The following FKRP variants were observed in gnomAD, a reference collection of about 807,000 sequenced individuals.
The protein encoded by FKRP is ribitol 5-phosphate transferase FKRP.
A neutral mutation model predicts 30.6 loss-of-function variants in FKRP; 25 were observed. The observed-to-expected ratio is 0.82, with a 90% confidence interval of 0.60 to 1.14. The LOEUF is 1.14. Ranked by LOEUF, FKRP falls within the 50% of genes most tolerant of loss-of-function variation. The probability of loss-of-function intolerance (pLI) is 0.00; values close to 1 mark genes in which losing one functional copy is unlikely to be tolerated. For missense variants in FKRP, 771 were observed against 727.8 expected (o/e 1.06, Z -0.68); for synonymous variants, 358 against 342.5 (o/e 1.05, Z -0.50).
chr19:46,746,118 TG>T, intron 1 of FKRP, 28 bp downstream of exon 1: 4 of 1,373,064 alleles, frequency 2.9e-6, no homozygotes, highest in Non-Finnish European at 1.9e-6. Context: ...CGGGCCGGGT[TG>T]GGGGTCGGGG....
chr19:46,747,924 G>C (rs2054696742), intron 1 of FKRP, 103 bp from the exon 2 acceptor site: 1 of 152,178 alleles, frequency 6.6e-6, no homozygotes, highest in African/African-American at 2.4e-5. Context: ...TCAAGAGAAA[G>C]GATTCCCTGA....
chr19:46,745,166 T>A (rs749393351), upstream of FKRP, among the ~76,000 whole-genome samples: 87 of 151,068 alleles, frequency 5.8e-4, 2 homozygotes, highest in Admixed American at 2.1e-3. Flanking sequence ...GACCCTCACC[T>A]CCATACTGGA....
At chr19:46,755,354 C>T (rs1341328347) in intron 3 of FKRP, 58 bp from the exon 4 acceptor site, 13 of 1,107,014 alleles carry the variant, frequency 1.2e-5, no homozygotes, top group Non-Finnish European at 1.6e-5. Context: ...CTGAGGGTGG[C>T]AGAAGGGGGT....
chr19:46,756,000 G>C lies in FKRP; in HGVS notation c.550G>C (p.Ala184Pro). 7 of 1,548,006 alleles carry C rather than the reference G, an allele frequency of 4.5e-6. No individual in the cohort carries two copies. The highest frequency in any genetic ancestry group is 6.1e-6 in the Non-Finnish European group (7 of 1,154,752). Residue 184 changes from alanine to proline, a missense_variant, in exon 4 of 4, where the codon GCA becomes CCA. Ala to Pro is a conservative substitution (Grantham distance 27). Coordinates refer to ENST00000318584, the MANE Select transcript of FKRP (RefSeq NM_024301.5). ...SLREWTARYG[A>P]APAAPRCDAL... is the part of the protein sequence containing the mutation. ...GCGAGAGTGGACCGCCCGCTATGGC[G>C]CAGCCCCCGCCGCGCCCCGCTGCGA... is the stretch of plus-strand genomic sequence containing the variant.
intron 3 of FKRP, among the ~76,000 whole-genome samples, chr19:46,751,036 G>A (rs2054781780): frequency 6.6e-6 from 1 of 151,460 alleles, no homozygotes; most frequent in Non-Finnish European, 1.5e-5. Flanking sequence ...GCAGGAATGG[G>A]GGATAGGAAG....
intron 1 of FKRP, chr19:46,747,006 C>G (rs1040687372): frequency 1.3e-5 from 2 of 152,228 alleles, no homozygotes; most frequent in African/African-American, 4.8e-5. Context: ...ACCTAAGTGT[C>G]CGTGGTGGTC....
Position 46,756,760 on chromosome 19 carries a change from AGGATGTGGAGTTT to A in FKRP, c.1311_1323del (p.Gln437HisfsTer49). ...AAGGACACGTGGCTGGACCACCGGC[AGGATGTGGAGTTT>A]CCCGAGCACTTCCTGCAGCCGCTGG... On this transcript the variant is annotated frameshift_variant, in exon 4 of 4. Coordinates refer to ENST00000318584, the MANE Select transcript of FKRP (RefSeq NM_024301.5). LOFTEE classifies it high-confidence loss of function. This position sits in a 1 kb window ranked among gnomAD's most constrained non-coding sequence, Gnocchi z 6.6. The A allele has an allele frequency of 1.9e-6, 3 of 1,605,808 alleles. No homozygotes were observed. Among genetic ancestry groups the A allele is most frequent in the Non-Finnish European group, 2.5e-6 (3 of 1,176,628 alleles).
At chr19:46,747,998 T>G (rs1286583449) in intron 1 of FKRP, 29 bp from the exon 2 acceptor site, 1 of 152,158 alleles carries the variant, frequency 6.6e-6, no homozygotes, top group Non-Finnish European at 1.5e-5. Context: ...AATGGCTGAT[T>G]TGGGATTTTC....
Position 46,756,026 on chromosome 19 carries a change from C to T in FKRP, c.576C>T (p.Asp192=), listed in dbSNP as rs1366277135. 1.3e-6 allele frequency: 2 copies of T among 1,577,732 alleles called. No individual in the cohort carries two copies. The highest frequency in any genetic ancestry group is 1.4e-5 in the African/African-American group (1 of 73,710). The change falls in exon 4 of 4, where the codon GAC becomes GAT. Residue 192 remains aspartate (D), a synonymous_variant. Transcript: ENST00000318584. This position sits in a 1 kb window ranked among gnomAD's most constrained non-coding sequence, Gnocchi z 6.6. Reference sequence around the variant, plus strand: ...CAGCCCCCGCCGCGCCCCGCTGCGACGCCCTGGACGGAGATGCTGTGGTGC... The same window carrying T: ...CAGCCCCCGCCGCGCCCCGCTGCGATGCCCTGGACGGAGATGCTGTGGTGC... ...YGAAPAAPRC[D]ALDGDAVVLL...
Position 46,756,906 on chromosome 19 carries a change from C to T in FKRP, c.1456C>T (p.Pro486Ser). ...CATCGAGAACCCCCAGTACCCCAAC[C>T]CGGCACTGCTGAGTCTGACGGGAAG... ...GVIENPQYPN[P>S]ALLSLTGSG Residue 486 changes from proline to serine, a missense_variant, in exon 4 of 4, where the codon CCG (proline) becomes TCG (serine). Physicochemically the swap from Pro to Ser is moderately conservative, Grantham distance 74. Coordinates refer to ENST00000318584, the MANE Select transcript of FKRP (RefSeq NM_024301.5). The surrounding 1 kb of genome is among the most constrained non-coding windows in gnomAD (Gnocchi z 6.6). The T allele has an allele frequency of 2.5e-6, 4 of 1,613,000 alleles. No homozygotes were observed. Among genetic ancestry groups the T allele is most frequent in the Non-Finnish European group, 3.4e-6 (4 of 1,179,952 alleles).
At chr19:46,749,219 G>A (rs1020997616) in intron 3 of FKRP, among the ~76,000 whole-genome samples, 2 of 152,088 alleles carry the variant, frequency 1.3e-5, no homozygotes, top group Non-Finnish European at 2.9e-5. Flanking sequence ...GGTTAGGGCT[G>A]GGGAAGGCTC....
intron 1 of FKRP, 85 bp from the exon 2 acceptor site, chr19:46,747,942 C>A (rs919113214): frequency 1.3e-5 from 2 of 152,210 alleles, no homozygotes; most frequent in Non-Finnish European, 2.9e-5. Flanking sequence ...TGACCTTTCT[C>A]TTGCCACTTT....
At position 46,755,786 on chromosome 19, in the gene FKRP, C is replaced by G. The variant is rs1054339656; in HGVS notation, c.336C>G (p.Ala112=). 2 of 1,521,928 alleles carry G rather than the reference C, an allele frequency of 1.3e-6. No homozygotes were observed. Among genetic ancestry groups the G allele is most frequent in the East Asian group, 2.5e-5 (1 of 40,660 alleles). 94.3% of individuals were successfully genotyped at this position (1,521,928 alleles called of 1,614,324 possible). ...TCCAGCCCGCCCTGGACCGGCCAGCCGCAGCCTCGCGCCCGGAGACCTACG... is the reference window on the plus strand; with the variant it reads ...TCCAGCCCGCCCTGGACCGGCCAGCGGCAGCCTCGCGCCCGGAGACCTACG... ...ALLQPALDRP[A]AASRPETYVA... Residue 112 remains alanine (A), a synonymous_variant, in exon 4 of 4, where the codon GCC becomes GCG. Transcript: ENST00000318584.
Position 46,756,368 on chromosome 19 carries a change from C to A in FKRP, c.918C>A (p.Ala306=). 6.4e-7 allele frequency: 1 copy of A among 1,561,888 alleles called. No homozygotes were observed. Among genetic ancestry groups the A allele is most frequent in the African/African-American group, 1.3e-5 (1 of 74,090 alleles). ...CFGTVVGDTP[A]YLYEERWTPP... ...GAACCGTGGTGGGCGACACGCCCGC[C>A]TACCTCTACGAGGAGCGCTGGACGC... Residue 306 remains alanine, a synonymous_variant, in exon 4 of 4, where the codon GCC becomes GCA. Coordinates refer to ENST00000318584, the MANE Select transcript of FKRP (RefSeq NM_024301.5). This position sits in a 1 kb window ranked among gnomAD's most constrained non-coding sequence, Gnocchi z 6.6.
Position 46,757,308 on chromosome 19 carries a change from G to A in FKRP, c.*370G>A, listed in dbSNP as rs1449492194. 6.9e-5 allele frequency: 24 copies of A among 349,088 alleles called. No homozygotes were observed. The highest frequency in any genetic ancestry group is 5.8e-6 in the Non-Finnish European group (1 of 173,836). 21.6% of individuals were successfully genotyped at this position (349,088 alleles called of 1,614,324 possible). ...GATTCCGAGAGCCCTGCGCTCTAGG[G>A]CAGGGGCAGAGTTTTGGAAACAGTG... On this transcript the variant is annotated 3_prime_UTR_variant, in exon 4 of 4. Coordinates refer to ENST00000318584, the MANE Select transcript of FKRP (RefSeq NM_024301.5).
intron 1 of FKRP, 37 bp downstream of exon 1, chr19:46,746,127 G>A: frequency 2.0e-6 from 3 of 1,485,988 alleles, no homozygotes; most frequent in African/African-American, 2.9e-5. Flanking sequence ...TTGGGGGTCG[G>A]GGGTCCCGGG....
chr19:46,746,200 C>T, intron 1 of FKRP, 110 bp downstream of exon 1: 2 of 1,539,986 alleles, frequency 1.3e-6, no homozygotes, highest in East Asian at 2.7e-5. Context: ...CTTCGAAGCG[C>T]GCCCACTCGT....
chr19:46,754,063 T>C (rs1309675468), intron 3 of FKRP: 1 of 152,194 alleles, frequency 6.6e-6, no homozygotes, highest in Non-Finnish European at 1.5e-5. Context: ...TTTTTTGTTG[T>C]TGTTGGGTAT....
In FKRP at chr19:46,746,392, G is replaced by GGCGGCGGCGACC. The variant is rs2054619058; in HGVS notation, c.-253+311_-253+322dup. On this transcript the variant is annotated intron_variant, in intron 1 of 3. Coordinates refer to ENST00000318584, the MANE Select transcript of FKRP (RefSeq NM_024301.5). Reference sequence around the variant, plus strand: ...AGCCGAGCGGACGGCAGGAGGAGGCGGCGGCGGCGACCGCGGCGGCCGCTC... The same window carrying GGCGGCGGCGACC: ...AGCCGAGCGGACGGCAGGAGGAGGCGGCGGCGGCGACCGCGGCGGCGACCGCGGCGGCCGCTC... 4.6e-6 allele frequency: 5 copies of GGCGGCGGCGACC among 1,087,816 alleles called. No individual in the cohort carries two copies. In the South Asian group the frequency reaches 1.7e-4, roughly 38 times the overall value. The allele number at this position is 1,087,816 out of a possible 1,614,324, so 67.4% of individuals were successfully genotyped here. A position where few individuals can be genotyped will look rare whatever the true frequency, so the allele number is the denominator to read the frequency against.
Sources: allele counts gnomAD v4.1 joint callset (sites outside exome capture counted in the v4.1 genomes callset), GRCh38; gene constraint gnomAD v4.1.1; non-coding constraint Gnocchi (gnomAD v3.1); transcripts MANE v1.5; gene names NCBI Gene and HGNC (gene_info 2026-07-23, HGNC 2026-07-21).